LSAMP: variants seen among roughly 807,000 people sequenced by gnomAD.
The protein encoded by LSAMP is limbic system-associated membrane protein.
A neutral mutation model predicts 38.6 loss-of-function variants in LSAMP; 7 were observed. That is an observed-to-expected ratio of 0.18 (90% CI 0.10 to 0.34). The LOEUF (loss-of-function observed/expected upper bound fraction) is 0.34. LSAMP is among the 10% of genes least tolerant of loss of function. LSAMP has a pLI of 1.00. For synonymous variants in LSAMP, 154 were observed against 166.8 expected (o/e 0.92, Z 0.59); for missense variants, 313 against 420.0 (o/e 0.75, Z 2.23).
At chr3:116,298,038 A>G (rs563122055) in intron 1 of LSAMP, among the ~76,000 whole-genome samples, 40 of 152,256 alleles carry the variant, frequency 2.6e-4, no homozygotes, top group African/African-American at 9.4e-4. Flanking sequence ...ATCTTCCAAA[A>G]GGCATGCTTC....
chr3:115,947,244 A>G (rs1938129294), intron 3 of LSAMP, among the ~76,000 whole-genome samples: 1 of 152,178 alleles, frequency 6.6e-6, no homozygotes, highest in Non-Finnish European at 1.5e-5. Context: ...GAAATGAGAC[A>G]ATGATATCTG....
At chr3:116,182,543 A>G (rs1461137) in intron 1 of LSAMP, among the ~76,000 whole-genome samples, 75,474 of 151,250 alleles carry the variant, frequency 0.5, 21,286 homozygotes, top group East Asian at 0.74. Context: ...ATGGGACTCA[A>G]TTTTTTCAGG....
chr3:115,919,003 T>A (rs1416232733), intron 3 of LSAMP, among the ~76,000 whole-genome samples: 1 of 152,156 alleles, frequency 6.6e-6, no homozygotes, highest in African/African-American at 2.4e-5. Flanking sequence ...ATCTTAACAC[T>A]ATCTACAATA....
At chr3:116,239,803 T>A (rs2046509252) in intron 1 of LSAMP, among the ~76,000 whole-genome samples, 1 of 152,142 alleles carries the variant, frequency 6.6e-6, no homozygotes, top group Non-Finnish European at 1.5e-5. Context: ...AATGTAAAAC[T>A]CTTAGTATAC....
chr3:115,972,553 T>C (rs7610140), intron 3 of LSAMP, among the ~76,000 whole-genome samples: 41,983 of 151,512 alleles, frequency 0.28, 7,283 homozygotes, highest in African/African-American at 0.5. Flanking sequence ...CTCCTTTATT[T>C]GAATTCAAAT....
intron 1 of LSAMP, among the ~76,000 whole-genome samples, chr3:116,216,488 G>A (rs1328817060): frequency 6.6e-6 from 1 of 151,994 alleles, no homozygotes; most frequent in Non-Finnish European, 1.5e-5. Context: ...CATGTAAAAT[G>A]TAAAAAGTGC....
At position 116,265,746 on chromosome 3, in the gene LSAMP, A is replaced by T. The variant is rs542434394; in HGVS notation, c.155+179131T>A. On this transcript the variant is annotated intron_variant, in intron 1 of 6. Coordinates refer to ENST00000490035, the MANE Select transcript of LSAMP (RefSeq NM_002338.5). ...GGGACTCAAATACAGGCTTCCTGAA[A>T]TGTTTCTTTGTTGAAATATCAAGAT... Among the ~76,000 whole-genome samples the T allele has an allele frequency of 3.2e-4, 48 of 152,330 alleles. No individual in the cohort carries two copies. The South Asian group carries it at 8.5e-3, about 27-fold the overall frequency.
intron 4 of LSAMP, among the ~76,000 whole-genome samples, chr3:115,847,035 CA>C (rs1935182377): frequency 6.6e-6 from 1 of 152,096 alleles, no homozygotes; most frequent in Non-Finnish European, 1.5e-5. Context: ...CAAATGAAAT[CA>C]GTAATATGAG....
chr3:116,089,606 C>T (rs1708073477), intron 1 of LSAMP, among the ~76,000 whole-genome samples: 1 of 152,120 alleles, frequency 6.6e-6, no homozygotes, highest in African/African-American at 2.4e-5. Context: ...ATCCGCCCAC[C>T]TCGGTCTCCC....
chr3:116,326,869 T>A (rs2047780158), intron 1 of LSAMP, among the ~76,000 whole-genome samples: 1 of 152,006 alleles, frequency 6.6e-6, no homozygotes, highest in Non-Finnish European at 1.5e-5. Flanking sequence ...TTTAATGGTA[T>A]GGGGATGTGG....
chr3:116,356,693 T>C (rs1037941261), intron 1 of LSAMP, among the ~76,000 whole-genome samples: 1 of 152,226 alleles, frequency 6.6e-6, no homozygotes, highest in African/African-American at 2.4e-5. Context: ...AAATATCTAA[T>C]ATACCCCATT....
chr3:116,176,713 ATACT>A (rs1306727978), intron 1 of LSAMP, among the ~76,000 whole-genome samples: 3 of 152,296 alleles, frequency 2.0e-5, no homozygotes, highest in East Asian at 1.9e-4. Context: ...GACTCAGTAG[ATACT>A]TACAGGAAAA....
chr3:115,919,523 T>C (rs1937333972), intron 3 of LSAMP, among the ~76,000 whole-genome samples: 2 of 152,156 alleles, frequency 1.3e-5, no homozygotes, highest in Admixed American at 1.3e-4. Flanking sequence ...TATGTATAAA[T>C]GAGTGTGAAT....
At chr3:116,280,179 A>G (rs1313058750) in intron 1 of LSAMP, among the ~76,000 whole-genome samples, 1 of 152,206 alleles carries the variant, frequency 6.6e-6, no homozygotes, top group East Asian at 1.9e-4. Context: ...TTAAATCAAT[A>G]CATAACAACT....
chr3:116,203,611 C>T (rs1176788961), intron 1 of LSAMP, among the ~76,000 whole-genome samples: 5 of 142,924 alleles, frequency 3.5e-5, no homozygotes, highest in Non-Finnish European at 6.0e-5. Flanking sequence ...CATGTGATCT[C>T]ATTGTTCAAT....
intron 1 of LSAMP, among the ~76,000 whole-genome samples, chr3:116,249,717 C>T (rs1390642262): frequency 2.6e-5 from 4 of 151,288 alleles, no homozygotes; most frequent in South Asian, 2.1e-4. Flanking sequence ...TTCTGGGTAC[C>T]GTATATCCAA....
At chr3:116,109,695 G>T (rs917052800) in intron 1 of LSAMP, among the ~76,000 whole-genome samples, 1 of 152,130 alleles carries the variant, frequency 6.6e-6, no homozygotes, top group African/African-American at 2.4e-5. Context: ...TGGGTTTTAG[G>T]TCAGGTGTGA....
At chr3:115,954,284 T>C (rs1048204968) in intron 3 of LSAMP, among the ~76,000 whole-genome samples, 2 of 152,138 alleles carry the variant, frequency 1.3e-5, no homozygotes, top group African/African-American at 2.4e-5. Flanking sequence ...ATAGCCTACA[T>C]TGGGTCTGCT....
At position 116,344,487 on chromosome 3, in the gene LSAMP, G is replaced by T. The variant is rs932556817; in HGVS notation, c.155+100390C>A. 5.3e-5 allele frequency among the ~76,000 whole-genome samples: 8 copies of T among 152,012 alleles called. No homozygotes were observed. In the East Asian group the frequency reaches 5.8e-4, roughly 11 times the overall value. On this transcript the variant is annotated intron_variant, in intron 1 of 6. Coordinates refer to ENST00000490035, the MANE Select transcript of LSAMP (RefSeq NM_002338.5). Reference sequence around the variant, plus strand: ...ATTCCAGAAATCATTCAACAGAAAAGATTTTATTATACTCATAACCCTACC... The same window carrying T: ...ATTCCAGAAATCATTCAACAGAAAATATTTTATTATACTCATAACCCTACC...
Sources: gnomAD v4.1 joint callset for allele counts (sites outside exome capture counted in the v4.1 genomes callset) on GRCh38, gnomAD v4.1.1 for gene constraint, MANE v1.5 for transcripts, NCBI Gene and HGNC (gene_info 2026-07-23, HGNC 2026-07-21) for gene names.